Variants in FGF1 observed in about 807,000 individuals in gnomAD.
The protein encoded by FGF1 is beta-endothelial cell growth factor.
FGF1 carries 9 observed loss-of-function variants against 13.4 expected under a neutral mutation model. The ratio of observed to expected loss-of-function variants is 0.67; its 90% confidence interval spans 0.40 to 1.17. FGF1 has a LOEUF of 1.17. FGF1 is among the 50% of genes most tolerant of loss of function. The pLI, the probability that FGF1 is intolerant of heterozygous loss-of-function variation, is 0.01. For synonymous variants in FGF1, 93 were observed against 79.0 expected, an observed-to-expected ratio of 1.18 and a Z score of -0.94; for missense variants, 156 against 192.7, an observed-to-expected ratio of 0.81 and a Z score of 1.13.
intron 1 of FGF1, among the ~76,000 whole-genome samples, chr5:142,656,972 C>A (rs150995746): frequency 0.016 from 2,486 of 152,074 alleles, 80 homozygotes; most frequent in African/African-American, 0.054. Context: ...GGCTGGAGTG[C>A]AATGGCGAGA....
At chr5:142,618,611 C>T (rs1167698260) in intron 1 of FGF1, among the ~76,000 whole-genome samples, 1 of 151,916 alleles carries the variant, frequency 6.6e-6, no homozygotes, top group Non-Finnish European at 1.5e-5. Context: ...TTTTTCATTC[C>T]CATATTTGGC....
chr5:142,656,418 A>G (rs1768178588), intron 1 of FGF1, among the ~76,000 whole-genome samples: 1 of 152,200 alleles, frequency 6.6e-6, no homozygotes, highest in South Asian at 2.1e-4. Flanking sequence ...TTGGAAATCT[A>G]TCTTCTTCCC....
At chr5:142,608,566 A>C (rs1215204337) in intron 2 of FGF1, among the ~76,000 whole-genome samples, 42 of 102,196 alleles carry the variant, frequency 4.1e-4, no homozygotes, top group African/African-American at 1.3e-3. Context: ...ATATATATAT[A>C]TATATATATA....
chr5:142,647,429 C>T (rs1766367266), intron 1 of FGF1, among the ~76,000 whole-genome samples: 1 of 152,304 alleles, frequency 6.6e-6, no homozygotes, highest in African/African-American at 2.4e-5. Context: ...GTTCTCACCA[C>T]CGCGTTGAGG....
intron 1 of FGF1, among the ~76,000 whole-genome samples, chr5:142,669,229 A>G (rs1770986539): frequency 6.6e-6 from 1 of 152,218 alleles, no homozygotes; most frequent in African/African-American, 2.4e-5. Flanking sequence ...GAATTTGGAA[A>G]TTCTTCTGGA....
At chr5:142,616,583 C>T (rs1760293406) in intron 1 of FGF1, among the ~76,000 whole-genome samples, 5 of 152,100 alleles carry the variant, frequency 3.3e-5, no homozygotes, top group Admixed American at 2.6e-4. Context: ...TCTTCCAAAC[C>T]TTACTTTCTT....
chr5:142,618,920 A>ATTTTT (rs1561571080), intron 1 of FGF1, among the ~76,000 whole-genome samples: 3 of 97,080 alleles, frequency 3.1e-5, no homozygotes, highest in African/African-American at 1.2e-4. Context: ...TTTATTTTTT[A>ATTTTT]GTTGTTTTGT....
At chr5:142,633,031 T>C (rs1763616293) in intron 1 of FGF1, among the ~76,000 whole-genome samples, 1 of 152,034 alleles carries the variant, frequency 6.6e-6, no homozygotes, top group Non-Finnish European at 1.5e-5. Context: ...GTAATTCTCC[T>C]GCCTCAGCCT....
intron 1 of FGF1, among the ~76,000 whole-genome samples, chr5:142,626,333 G>C (rs570146770): frequency 1.3e-5 from 2 of 152,288 alleles, no homozygotes; most frequent in Non-Finnish European, 2.9e-5. Flanking sequence ...GGCAGCTAAG[G>C]AAGTGAGGCT....
intron 1 of FGF1, among the ~76,000 whole-genome samples, chr5:142,644,653 C>T (rs547325522): frequency 2.0e-5 from 3 of 152,306 alleles, no homozygotes; most frequent in South Asian, 4.1e-4. Context: ...TTCCAAAACT[C>T]CCTGAGCATG....
At chr5:142,611,280 A>T (rs1758983587) in intron 2 of FGF1, among the ~76,000 whole-genome samples, 1 of 152,208 alleles carries the variant, frequency 6.6e-6, no homozygotes, top group Non-Finnish European at 1.5e-5. Flanking sequence ...TTCAGGGAGT[A>T]CATCCGTGCC....
chr5:142,616,696 TCTCA>T (rs1464612838), intron 1 of FGF1, among the ~76,000 whole-genome samples: 1 of 152,098 alleles, frequency 6.6e-6, no homozygotes, highest in Non-Finnish European at 1.5e-5. Context: ...CCACCCAGCC[TCTCA>T]CTCTAACTCC....
At chr5:142,605,088 A>C (rs1201051484) in intron 2 of FGF1, among the ~76,000 whole-genome samples, 1 of 151,820 alleles carries the variant, frequency 6.6e-6, no homozygotes, top group Non-Finnish European at 1.5e-5. Context: ...TAATCAAGGA[A>C]GTTTTTTTTG....
chr5:142,600,278 C>A (rs1458054602), intron 3 of FGF1, among the ~76,000 whole-genome samples: 2 of 152,144 alleles, frequency 1.3e-5, no homozygotes, highest in Non-Finnish European at 2.9e-5. Context: ...GGGAGGATTT[C>A]TTGAGCCCAG....
chr5:142,600,795 C>A lies in FGF1; in HGVS notation c.180G>T (p.Gln60His). Residue 60 changes from glutamine to histidine, a missense_variant, in exon 3 of 4, where the codon CAG (glutamine) becomes CAT (histidine). Coordinates refer to ENST00000337706, the MANE Select transcript of FGF1 (RefSeq NM_000800.5). ...RDRSDQHIQL[Q>H]LSAESVGEVY... ...CCTCCCCCACGCTTTCCGCACTGAG[C>A]TGCAGCTGAACTGGAATAAAAATAA... 6.2e-7 allele frequency: 1 copy of A among 1,611,360 alleles called. No individual in the cohort carries two copies. Among genetic ancestry groups the A allele is most frequent in the Non-Finnish European group, 8.5e-7 (1 of 1,178,456 alleles).
upstream of FGF1, among the ~76,000 whole-genome samples, chr5:142,687,306 C>T (rs767389821): frequency 3.3e-5 from 5 of 152,160 alleles, no homozygotes; most frequent in Admixed American, 2.6e-4. Context: ...ACACTCCCCA[C>T]AGAGCATGGG....
At chr5:142,611,899 A>G (rs994118278) in intron 2 of FGF1, among the ~76,000 whole-genome samples, 4 of 152,150 alleles carry the variant, frequency 2.6e-5, no homozygotes, top group African/African-American at 9.7e-5. Context: ...ATTATATGGA[A>G]AGCTTGATGA....
intron 1 of FGF1, among the ~76,000 whole-genome samples, chr5:142,663,265 A>G (rs1179658960): frequency 1.3e-5 from 2 of 151,942 alleles, no homozygotes; most frequent in Admixed American, 6.5e-5. Context: ...AAAAAAAAAG[A>G]AAAAAGATAA....
At chr5:142,632,823 A>G (rs897005721) in intron 1 of FGF1, among the ~76,000 whole-genome samples, 70 of 152,030 alleles carry the variant, frequency 4.6e-4, no homozygotes, top group African/African-American at 1.6e-3. Context: ...CTTCACTTGT[A>G]ATGGTTGTAA....
Sources: allele counts gnomAD v4.1 joint callset (sites outside exome capture counted in the v4.1 genomes callset), GRCh38; gene constraint gnomAD v4.1.1; transcripts MANE v1.5; gene names NCBI Gene and HGNC (gene_info 2026-07-23, HGNC 2026-07-21).